The following WNT5A variants were observed in gnomAD, a reference collection of about 807,000 sequenced individuals.
The protein encoded by WNT5A is protein Wnt-5a.
In WNT5A, 9 loss-of-function variants were observed where a neutral mutation model predicts 42.1. The ratio of observed to expected loss-of-function variants is 0.21; its 90% CI spans 0.13 to 0.37. The LOEUF (loss-of-function observed/expected upper bound fraction) is 0.37. WNT5A is among the 10% of genes least tolerant of loss of function. The pLI is 1.00. For synonymous variants in WNT5A, 210 were observed against 210.0 expected (o/e 1.00, Z 0.00); for missense variants, 426 against 534.0 (o/e 0.80, Z 1.99).
chr3:55,497,136 C>T, the WNT5A span, among the ~76,000 whole-genome samples: 1 of 152,228 alleles, frequency 6.6e-6, no homozygotes, highest in Non-Finnish European at 1.5e-5. Context: ...GAGTGTCAGA[C>T]TTGAACAGGA....
At chr3:55,496,877 C>T in the WNT5A span, among the ~76,000 whole-genome samples, 3 of 152,132 alleles carry the variant, frequency 2.0e-5, no homozygotes, top group Admixed American at 6.5e-5. Context: ...AAAAATAAAT[C>T]GAAGAGTAGC....
intron 3 of WNT5A, 73 bp from the exon 4 acceptor site, chr3:55,474,702 TGGGGGC>T: frequency 1.2e-5 from 2 of 169,776 alleles, no homozygotes; most frequent in Non-Finnish European, 1.5e-5. Flanking sequence ...GGGGTGGGGG[TGGGGGC>T]AAGGTAGGGA....
At chr3:55,481,445 G>C in intron 1 of WNT5A, 1 of 977,624 alleles carries the variant, frequency 1.0e-6, no homozygotes, top group Non-Finnish European at 1.2e-6. Flanking sequence ...CCAGCGCGGG[G>C]GGTGGAGGAT....
rs1203394413 is a variant in WNT5A, at chr3:55,469,948, A to T, written c.*144T>A. 3 of 829,768 alleles carry T rather than the reference A, an allele frequency of 3.6e-6. No individual in the cohort carries two copies. Among genetic ancestry groups the T allele is most frequent in the Admixed American group, 5.0e-5 (2 of 40,060 alleles). The allele number at this position is 829,768 out of a possible 1,614,324, so 51.4% of individuals were successfully genotyped here. ...ATTAATAATAAACCACAGAGTTCTT[A>T]GATGGTAACAGGAAAAAAAATGGTT... On this transcript the variant is annotated 3_prime_UTR_variant, in exon 5 of 5. Coordinates refer to ENST00000264634, the MANE Select transcript of WNT5A (RefSeq NM_003392.7).
At chr3:55,504,394 A>T in the WNT5A span, among the ~76,000 whole-genome samples, 9 of 152,176 alleles carry the variant, frequency 5.9e-5, no homozygotes, top group Non-Finnish European at 1.2e-4. Flanking sequence ...TTTATTCCAT[A>T]GGCCTTAGTT....
chr3:55,502,511 A>G, the WNT5A span, among the ~76,000 whole-genome samples: 1 of 152,206 alleles, frequency 6.6e-6, no homozygotes, highest in Non-Finnish European at 1.5e-5. Context: ...CAGAACATCA[A>G]CTAGAGTTTG....
chr3:55,501,926 T>G, the WNT5A span: 1 of 152,212 alleles, frequency 6.6e-6, no homozygotes, highest in African/African-American at 2.4e-5. Flanking sequence ...GTTATCAATT[T>G]TGACTGGTTT....
chr3:55,504,021 C>CAG, the WNT5A span, among the ~76,000 whole-genome samples: 16 of 152,238 alleles, frequency 1.1e-4, no homozygotes, highest in African/African-American at 3.9e-4. Flanking sequence ...CCTGTAATTT[C>CAG]AGAACTTTGG....
At chr3:55,503,232 G>T in the WNT5A span, among the ~76,000 whole-genome samples, 1 of 152,194 alleles carries the variant, frequency 6.6e-6, no homozygotes, top group African/African-American at 2.4e-5. Context: ...TGAGAGAATG[G>T]CTGGGAGTCA....
rs888427863 is a variant in WNT5A at position 55,465,804 on chromosome 3, C to A, written c.*4288G>T. 3 of 152,088 alleles carry A rather than the reference C, an allele frequency of 2.0e-5. No homozygotes were observed. The highest frequency in any genetic ancestry group is 4.4e-5 in the Non-Finnish European group (3 of 68,016). The allele number at this position is 152,088 out of a possible 1,614,324, so 9.4% of individuals were successfully genotyped here. The stretch of plus-strand genomic sequence containing the variant: ...CTCATTTCTAGCCCAGCAAATTGTA[C>A]ACTGCATATAAAAATGGTCTAAGAT... On this transcript the variant is annotated 3_prime_UTR_variant, in exon 5 of 5. Coordinates refer to ENST00000264634, the MANE Select transcript of WNT5A (RefSeq NM_003392.7).
At chr3:55,486,956 A>T in intron 1 of WNT5A, 24 bp downstream of exon 1, 1 of 1,605,966 alleles carries the variant, frequency 6.2e-7, no homozygotes, top group Non-Finnish European at 8.5e-7. Flanking sequence ...AAAGAAAAAA[A>T]GTGGCAGCGC....
rs556903589 is a variant in WNT5A at position 55,482,276 on chromosome 3, G to A, written c.7-1358C>T. The stretch of plus-strand genomic sequence containing the variant: ...GTTGGCCTTGGAAGCTTCCGCTGCC[G>A]TTCCTCCCCACTGGTGACTTCTCCA... On this transcript the variant is annotated intron_variant, in intron 1 of 4. Coordinates refer to ENST00000264634, the MANE Select transcript of WNT5A (RefSeq NM_003392.7). Among the ~76,000 whole-genome samples the A allele has an allele frequency of 3.3e-5, 5 of 152,172 alleles. No homozygotes were observed. In the South Asian group the frequency reaches 8.3e-4, roughly 25 times the overall value.
intron 1 of WNT5A, among the ~76,000 whole-genome samples, chr3:55,485,942 A>G (rs1439590403): frequency 2.0e-5 from 3 of 152,178 alleles, no homozygotes; most frequent in Admixed American, 1.3e-4. Flanking sequence ...TTTCTAAGAA[A>G]CTTAAAATGG....
At chr3:55,482,443 G>C (rs2051486493) in intron 1 of WNT5A, among the ~76,000 whole-genome samples, 1 of 152,200 alleles carries the variant, frequency 6.6e-6, no homozygotes, top group African/African-American at 2.4e-5. Context: ...GAAAAGAAAA[G>C]AAAGGTGAGC....
chr3:55,480,632 T>C (rs552239850), intron 2 of WNT5A, among the ~76,000 whole-genome samples, 153 bp downstream of exon 2: 63 of 152,342 alleles, frequency 4.1e-4, no homozygotes, highest in African/African-American at 1.5e-3. Context: ...AAGAAAATTC[T>C]GATTTAAAAC....
At chr3:55,489,703 C>T (rs2051637833), upstream of WNT5A, 1 of 152,326 alleles carries the variant, frequency 6.6e-6, no homozygotes, top group African/African-American at 2.4e-5. Context: ...CCAAGGTTCT[C>T]AAAGCTCCCC....
At chr3:55,478,876 T>C (rs1444833513) in intron 3 of WNT5A, among the ~76,000 whole-genome samples, 2 of 152,216 alleles carry the variant, frequency 1.3e-5, no homozygotes, top group Admixed American at 6.5e-5. Flanking sequence ...ACTTTCAATA[T>C]ATCCAGGATT....
intron 2 of WNT5A, among the ~76,000 whole-genome samples, chr3:55,480,138 G>A (rs1302715973): frequency 1.3e-5 from 2 of 152,154 alleles, no homozygotes; most frequent in Non-Finnish European, 2.9e-5. Context: ...CAGAAGTCAT[G>A]TTTGACAGTC....
chr3:55,479,593 AT>A lies in WNT5A; in HGVS notation c.141-30del, dbSNP rs2051420111. On this transcript the variant is annotated intron_variant, in intron 2 of 4. Coordinates refer to ENST00000264634, the MANE Select transcript of WNT5A (RefSeq NM_003392.7). Reference sequence around the variant, plus strand: ...CAAGGGGGGGAGATGTGCATTCAAGATTTACGTGAAATCTCGAGGTGGGCCC... The same window carrying A: ...CAAGGGGGGGAGATGTGCATTCAAGATTACGTGAAATCTCGAGGTGGGCCC... The A allele has an allele frequency of 2.6e-6, 4 of 1,543,980 alleles. No individual in the cohort carries two copies. In the Admixed American group the frequency reaches 7.5e-5, roughly 29 times the overall value.
Sources: gnomAD v4.1 joint callset for allele counts (sites outside exome capture counted in the v4.1 genomes callset) on GRCh38, gnomAD v4.1.1 for gene constraint, MANE v1.5 for transcripts, NCBI Gene and HGNC (gene_info 2026-07-23, HGNC 2026-07-21) for gene names.